EYS: variants seen among roughly 807,000 people sequenced by gnomAD.
EYS encodes the protein protein eyes shut homolog.
EYS carries 250 observed loss-of-function variants against 282.1 expected under a neutral mutation model. That is an observed-to-expected ratio of 0.89 (90% CI 0.80 to 0.98). EYS has a LOEUF of 0.98. Ranked by LOEUF, EYS falls within the 50% of genes least tolerant of loss-of-function variation. The probability of loss-of-function intolerance (pLI) is 0.00; values close to 1 mark genes in which losing one functional copy is unlikely to be tolerated. For synonymous variants in EYS, 1,355 were observed against 1,282.9 expected (o/e 1.06, Z -1.20); for missense variants, 4,016 against 3,709.0 (o/e 1.08, Z -2.15).
At chr6:65,056,410 C>T (rs931677048) in intron 13 of EYS, among the ~76,000 whole-genome samples, 1 of 151,852 alleles carries the variant, frequency 6.6e-6, no homozygotes, top group African/African-American at 2.4e-5. Context: ...CTGGGCAACA[C>T]AGTGAAACCC....
chr6:64,807,374 C>T (rs1223397851), intron 22 of EYS, among the ~76,000 whole-genome samples: 1 of 152,068 alleles, frequency 6.6e-6, no homozygotes, highest in African/African-American at 2.4e-5. Context: ...CCTCCTTAGG[C>T]CTTTGCCTTG....
At chr6:64,954,504 A>T (rs1487020647) in intron 14 of EYS, among the ~76,000 whole-genome samples, 2 of 152,210 alleles carry the variant, frequency 1.3e-5, no homozygotes, top group African/African-American at 2.4e-5. Context: ...ATCTTGTATG[A>T]GATGATCACA....
At chr6:65,295,746 T>C in intron 12 of EYS, 117 bp downstream of exon 12, 1 of 940,146 alleles carries the variant, frequency 1.1e-6, no homozygotes. Context: ...AAATAAGAAA[T>C]GAGACAACAA....
chr6:64,734,732 G>T (rs1247824239), intron 22 of EYS, among the ~76,000 whole-genome samples: 1 of 152,162 alleles, frequency 6.6e-6, no homozygotes, highest in Non-Finnish European at 1.5e-5. Context: ...ATGGGGAAGA[G>T]TAGAGATTGG....
In EYS at chr6:65,490,609, C is replaced by T. The variant is rs1766003671; in HGVS notation, c.847G>A (p.Asp283Asn). 5 of 1,607,610 alleles carry T rather than the reference C, an allele frequency of 3.1e-6. No homozygotes were observed. Among genetic ancestry groups the T allele is most frequent in the Non-Finnish European group, 3.4e-6 (4 of 1,174,620 alleles). ...ITSNSFICECDEQFSGPFCEV... is the reference protein window; with the variant it reads ...ITSNSFICECNEQFSGPFCEV... ...CATTTTTTACCTGAAAATTGCTCAT[C>T]ACATTCACAAATGAAACTATTTGAA... Residue 283 changes from aspartate to asparagine, a missense_variant, in exon 5 of 43, where the codon GAT becomes AAT. Physicochemically the swap from Asp to Asn is conservative, Grantham distance 23. Transcript: ENST00000503581.
chr6:65,061,803 A>T (rs1773582702), intron 12 of EYS, among the ~76,000 whole-genome samples: 1 of 151,946 alleles, frequency 6.6e-6, no homozygotes, highest in African/African-American at 2.4e-5. Flanking sequence ...TTCTCCTCAT[A>T]GGAACCATCA....
rs1418228284 is a variant in EYS, at chr6:64,950,977, T to G, written c.2260-5063A>C. On this transcript the variant is annotated intron_variant, in intron 14 of 42. Coordinates refer to ENST00000503581, the MANE Select transcript of EYS (RefSeq NM_001142800.2). ...ATTTGCTTCCAGATAAGTAGTTGCA[T>G]CTAGATAAGCAGAAAGTAGTAGCTG... Among the ~76,000 whole-genome samples the G allele has an allele frequency of 4.0e-5, 6 of 151,268 alleles. No individual in the cohort carries two copies. In the East Asian group the frequency reaches 1.2e-3, roughly 30 times the overall value.
At chr6:65,232,840 A>T (rs530531430) in intron 12 of EYS, among the ~76,000 whole-genome samples, 1 of 152,236 alleles carries the variant, frequency 6.6e-6, no homozygotes, top group South Asian at 2.1e-4. Context: ...GGTTCTAGGC[A>T]ATCACTAATC....
At chr6:64,958,824 T>G (rs1452678249) in intron 14 of EYS, among the ~76,000 whole-genome samples, 2 of 151,720 alleles carry the variant, frequency 1.3e-5, no homozygotes, top group South Asian at 4.1e-4. Flanking sequence ...TTACATTTTA[T>G]ATTTCATAAA....
chr6:64,670,090 T>C (rs931459978), intron 22 of EYS, among the ~76,000 whole-genome samples: 7 of 152,070 alleles, frequency 4.6e-5, no homozygotes, highest in African/African-American at 1.7e-4. Flanking sequence ...ATAGAGATAA[T>C]GCCCTGATCT....
intron 15 of EYS, among the ~76,000 whole-genome samples, chr6:64,915,767 G>A (rs1197833694): frequency 6.6e-6 from 1 of 152,062 alleles, no homozygotes; most frequent in African/African-American, 2.4e-5. Flanking sequence ...TTTCAATAAA[G>A]CTTTGAAATA....
Position 64,997,592 on chromosome 6 carries a change from T to A in EYS, c.2249A>T (p.Asp750Val), listed in dbSNP as rs1190554336. 1.3e-6 allele frequency: 2 copies of A among 1,551,138 alleles called. No homozygotes were observed. The highest frequency in any genetic ancestry group is 2.4e-5 in the South Asian group (2 of 84,030). Residue 750 changes from aspartate (D) to valine (V), a missense_variant, in exon 14 of 43, where the codon GAC (aspartate) becomes GTC (valine). Coordinates refer to ENST00000503581, the MANE Select transcript of EYS (RefSeq NM_001142800.2). ...CCAGTGGATACTAACGAGATGCAGG[T>A]CTTTGCAGGTAGAATTGTGCTCACA... Reference protein sequence around the residue: ...NACEHNSTCKDLHLSYQCVCL... With the variant: ...NACEHNSTCKVLHLSYQCVCL...
Position 63,745,110 on chromosome 6 carries a change from T to C in EYS, c.8071+17351A>G, listed in dbSNP as rs144500139. ...ATAAGTAGAATGATAAAGCCAGCTT[T>C]TTCCTCGAGCATATTTGCCAAATCT... is the stretch of plus-strand genomic sequence containing the variant. On this transcript the variant is annotated intron_variant, in intron 41 of 42. Coordinates refer to ENST00000503581, the MANE Select transcript of EYS (RefSeq NM_001142800.2). 1.6e-4 allele frequency: 54 copies of C among 341,588 alleles called. No homozygotes were observed. The East Asian group carries it at 5.5e-3, about 35-fold the overall frequency. 21.2% of individuals were successfully genotyped at this position (341,588 alleles called of 1,614,324 possible).
intron 11 of EYS, among the ~76,000 whole-genome samples, chr6:65,309,805 C>G (rs926147956): frequency 6.6e-6 from 1 of 152,224 alleles, no homozygotes; most frequent in African/African-American, 2.4e-5. Context: ...AATTTAGCAG[C>G]ACGTCCAATT....
intron 2 of EYS, among the ~76,000 whole-genome samples, chr6:65,548,286 A>C (rs1411841): frequency 0.74 from 113,169 of 152,048 alleles, 42,880 homozygotes; most frequent in African/African-American, 0.88. Flanking sequence ...TTTAAATTTT[A>C]GTTTGCTAAA....
At chr6:64,262,506 G>A (rs145163164) in intron 30 of EYS, among the ~76,000 whole-genome samples, 2 of 151,776 alleles carry the variant, frequency 1.3e-5, no homozygotes, top group East Asian at 1.9e-4. Context: ...CGTTCCCTAC[G>A]TTATATGAAT....
rs142282408 is a variant in EYS at position 64,218,152 on chromosome 6, G to A, written c.6424+12440C>T. On this transcript the variant is annotated intron_variant, in intron 31 of 42. Transcript: ENST00000503581. ...CAGCATGAGGCCCTGTCCCTAGGAT[G>A]ACCCCAGTTCCCCTGCCCCTCCATT... Among the ~76,000 whole-genome samples, 604 of 152,232 alleles carry A rather than the reference G, an allele frequency of 4.0e-3. 1 individual carries two copies. Among genetic ancestry groups the A allele is most frequent in the Non-Finnish European group, 6.4e-3 (433 of 68,004 alleles).
chr6:65,436,741 A>T (rs1768088385), intron 5 of EYS, among the ~76,000 whole-genome samples: 1 of 152,156 alleles, frequency 6.6e-6, no homozygotes, highest in African/African-American at 2.4e-5. Flanking sequence ...TCAATAAATA[A>T]TTAGAAAAGA....
intron 22 of EYS, among the ~76,000 whole-genome samples, chr6:64,684,239 T>C (rs1326462948): frequency 6.6e-6 from 1 of 152,106 alleles, no homozygotes. Flanking sequence ...ATGATATCTT[T>C]TAAGTGCTGA....
Sources: allele counts gnomAD v4.1 joint callset (sites outside exome capture counted in the v4.1 genomes callset), GRCh38; gene constraint gnomAD v4.1.1; transcripts MANE v1.5; gene names NCBI Gene and HGNC (gene_info 2026-07-23, HGNC 2026-07-21).